Variants in ATG2A observed in about 807,000 individuals in gnomAD.
The protein encoded by ATG2A is autophagy-related protein 2 homolog A.
Under a neutral mutation model 214.2 loss-of-function variants are expected in ATG2A, and 103 were observed. That is an observed-to-expected ratio of 0.48 (90% confidence interval 0.41 to 0.57). The LOEUF (loss-of-function observed/expected upper bound fraction) is 0.57. ATG2A is among the 20% of genes least tolerant of loss of function. The pLI is 0.00. For synonymous variants in ATG2A, 1,160 were observed against 1,142.1 expected, an observed-to-expected ratio of 1.02 and a Z score of -0.32; for missense variants, 2,312 against 2,613.2, an observed-to-expected ratio of 0.88 and a Z score of 2.51.
chr11:64,898,866 C>G lies in ATG2A; in HGVS notation c.4465-24G>C. ...ACCTGTGGGGTGGACAGAGGCCTGG[C>G]CAGGTAAGCAGGGCCCCAAGAGGGA... On this transcript the variant is annotated intron_variant, in intron 31 of 40. Coordinates refer to ENST00000377264, the MANE Select transcript of ATG2A (RefSeq NM_015104.3). The surrounding 1 kb of genome is among the most constrained non-coding windows in gnomAD (Gnocchi z 4.5). 6.3e-7 allele frequency: 1 copy of G among 1,597,968 alleles called. No homozygotes were observed. Among genetic ancestry groups the G allele is most frequent in the Non-Finnish European group, 8.5e-7 (1 of 1,175,726 alleles).
chr11:64,906,351 G>T lies in ATG2A; in HGVS notation c.3166C>A (p.Pro1056Thr). Residue 1056 changes from proline to threonine, a missense_variant, in exon 21 of 41, where the codon CCC becomes ACC. Pro to Thr is a conservative substitution (Grantham distance 38). Coordinates refer to ENST00000377264, the MANE Select transcript of ATG2A (RefSeq NM_015104.3). The stretch of plus-strand genomic sequence containing the variant: ...GCCCATACCTTCACATTCTTGTGGG[G>T]GTCCAGGTGGATGCGCACAGCAGTG... ...LSTAVRIHLDPHKNVKEFLVT... is the reference protein window; with the variant it reads ...LSTAVRIHLDTHKNVKEFLVT... 3 of 1,613,190 alleles carry T rather than the reference G, an allele frequency of 1.9e-6. No homozygotes were observed. The highest frequency in any genetic ancestry group is 2.5e-6 in the Non-Finnish European group (3 of 1,179,926).
Position 64,897,428 on chromosome 11 carries a change from G to A in ATG2A, c.5134C>T (p.Leu1712Phe). The change falls in exon 37 of 41, where the codon CTC becomes TTC. Residue 1712 changes from leucine to phenylalanine, a missense_variant. Physicochemically the swap from Leu to Phe is conservative, Grantham distance 22. Coordinates refer to ENST00000377264, the MANE Select transcript of ATG2A (RefSeq NM_015104.3). ...GGGACTCACCCGTGCCTGCAACAGAGCCGCTTTAGCTTCAGCTCGGAGCAG... is the reference window on the plus strand; with the variant it reads ...GGGACTCACCCGTGCCTGCAACAGAACCGCTTTAGCTTCAGCTCGGAGCAG... ...LNCSELKLKRLCCRHGLLGVD... is the reference protein window; with the variant it reads ...LNCSELKLKRFCCRHGLLGVD... 1 of 1,567,262 alleles carries A rather than the reference G, an allele frequency of 6.4e-7. No homozygotes were observed. Among genetic ancestry groups the A allele is most frequent in the Non-Finnish European group, 8.7e-7 (1 of 1,155,780 alleles).
chr11:64,907,510 T>C lies in ATG2A; in HGVS notation c.2647+15A>G. 1 of 1,612,524 alleles carries C rather than the reference T, an allele frequency of 6.2e-7. No individual in the cohort carries two copies. Reference sequence around the variant, plus strand: ...GGGGGTCCTCCCTCTAGCCCAGCGTTAGCACCTCTCATACCCAGCTTGAAG... The same window carrying C: ...GGGGGTCCTCCCTCTAGCCCAGCGTCAGCACCTCTCATACCCAGCTTGAAG... On this transcript the variant is annotated intron_variant, in intron 18 of 40. Transcript: ENST00000377264.
Position 64,913,711 on chromosome 11 carries a change from T to A in ATG2A, c.590+110A>T. On this transcript the variant is annotated intron_variant, in intron 4 of 40. Coordinates refer to ENST00000377264, the MANE Select transcript of ATG2A (RefSeq NM_015104.3). This position sits in a 1 kb window ranked among gnomAD's most constrained non-coding sequence, Gnocchi z 4.3. ...CCAACCCTACCACCACCGAGGCCCA[T>A]CCAGATCCACCCTGCCTCTTCCCAG... 8.7e-7 allele frequency: 1 copy of A among 1,154,708 alleles called. No individual in the cohort carries two copies. Among genetic ancestry groups the A allele is most frequent in the Middle Eastern group, 2.3e-4 (1 of 4,312 alleles). 71.5% of individuals were successfully genotyped at this position (1,154,708 alleles called of 1,614,324 possible).
In ATG2A at chr11:64,907,241, G is replaced by C. The variant is rs778318184; in HGVS notation, c.2832+14C>G. On this transcript the variant is annotated intron_variant, in intron 19 of 40. Transcript: ENST00000377264. The stretch of plus-strand genomic sequence containing the variant: ...TCTGAAGTTTGGGGCCCGCCTGCCC[G>C]GGGCTGCACTCACCTTGGTCTCACA... 2.0e-6 allele frequency: 3 copies of C among 1,479,040 alleles called. No individual in the cohort carries two copies. In the South Asian group the frequency reaches 4.1e-5, roughly 20 times the overall value. The allele number at this position is 1,479,040 out of a possible 1,614,324, so 91.6% of individuals were successfully genotyped here.
Position 64,913,397 on chromosome 11 carries a change from C to A in ATG2A, c.595G>T (p.Glu199Ter). The A allele has an allele frequency of 1.3e-6, 2 of 1,589,908 alleles. No individual in the cohort carries two copies. Among genetic ancestry groups the A allele is most frequent in the Admixed American group, 3.5e-5 (2 of 57,744 alleles). Residue 199 changes from glutamate (E) to a stop codon, truncating the protein, a stop_gained, in exon 5 of 41, where the codon GAG (glutamate) becomes TAG (stop). Coordinates refer to ENST00000377264, the MANE Select transcript of ATG2A (RefSeq NM_015104.3). LOFTEE classifies it high-confidence loss of function. This position sits in a 1 kb window ranked among gnomAD's most constrained non-coding sequence, Gnocchi z 4.3. The part of the protein sequence containing the change: ...VAVEVRVQRL[E>*]YCDEAVRDPS... ...TCCCGCACTGCCTCATCACAGTACT[C>A]CAGTCTGGAGAGTGTAGGGTCAGCC...
At chr11:64,912,020 C>A (rs1459687494) in intron 8 of ATG2A, 38 bp from the exon 9 acceptor site, 2 of 1,613,566 alleles carry the variant, frequency 1.2e-6, no homozygotes, top group Non-Finnish European at 8.5e-7. Context: ...ACAGCCGACC[C>A]CAGCCCCTAG....
At position 64,902,185 on chromosome 11, in the gene ATG2A, G is replaced by A. The variant is rs1944374314; in HGVS notation, c.3905-9C>T. 1 of 1,612,924 alleles carries A rather than the reference G, an allele frequency of 6.2e-7. No individual in the cohort carries two copies. The highest frequency in any genetic ancestry group is 8.5e-7 in the Non-Finnish European group (1 of 1,179,984). On this transcript the variant is annotated splice_polypyrimidine_tract_variant and intron_variant, in intron 28 of 40. Transcript: ENST00000377264. The stretch of plus-strand genomic sequence containing the variant: ...CTGAGGGAGGTGGCCACCTATAGGA[G>A]AGAGGCCAGTTTGGAGAGGCGCCCA...
chr11:64,902,699 G>T lies in ATG2A; in HGVS notation c.3613-19C>A. 6.2e-7 allele frequency: 1 copy of T among 1,602,102 alleles called. No homozygotes were observed. Among genetic ancestry groups the T allele is most frequent in the South Asian group, 1.1e-5 (1 of 90,298 alleles). On this transcript the variant is annotated intron_variant, in intron 26 of 40. Coordinates refer to ENST00000377264, the MANE Select transcript of ATG2A (RefSeq NM_015104.3). ...GCTGGCTCTGCAGGGGCGGGGTGGG[G>T]GGAGCAGCTATGTGAACACAGGGGC...
intron 9 of ATG2A, 138 bp downstream of exon 9, chr11:64,911,704 T>C (rs988660398): frequency 7.9e-7 from 1 of 1,258,408 alleles, no homozygotes; most frequent in African/African-American, 1.5e-5. Flanking sequence ...CCTTGTTTGG[T>C]CCCCAGGGAA....
rs536138656 is a variant in ATG2A, at chr11:64,903,266, C to A, written c.3612+22G>T. 6.2e-7 allele frequency: 1 copy of A among 1,611,704 alleles called. No individual in the cohort carries two copies. The highest frequency in any genetic ancestry group is 8.5e-7 in the Non-Finnish European group (1 of 1,178,346). On this transcript the variant is annotated intron_variant, in intron 26 of 40. Transcript: ENST00000377264. This position sits in a 1 kb window ranked among gnomAD's most constrained non-coding sequence, Gnocchi z 4.2. Reference sequence around the variant, plus strand: ...CCTGCACCTGCTGTGGCTCCAGGAGCCAGAGTGACAGCCTCACTCACCAGT... The same window carrying A: ...CCTGCACCTGCTGTGGCTCCAGGAGACAGAGTGACAGCCTCACTCACCAGT...
intron 29 of ATG2A, among the ~76,000 whole-genome samples, chr11:64,901,616 A>G (rs1944353571): frequency 6.6e-6 from 1 of 152,098 alleles, no homozygotes; most frequent in African/African-American, 2.4e-5. Context: ...GACCTGGGTG[A>G]GTTCAGACAT....
In ATG2A at chr11:64,905,772, G is replaced by A. The variant is rs776605160; in HGVS notation, c.3341C>T (p.Thr1114Ile). ...LPPTVITILH[T>I]HLFSCSVDYR... The stretch of plus-strand genomic sequence containing the variant: ...GTCCACAGAGCAGGAGAACAGGTGT[G>A]TGTGCAGGATGGTGATGACCGTCGG... Residue 1114 changes from threonine to isoleucine, a missense_variant, in exon 23 of 41, where the codon ACA becomes ATA. Thr to Ile is a moderately conservative substitution (Grantham distance 89). Coordinates refer to ENST00000377264, the MANE Select transcript of ATG2A (RefSeq NM_015104.3). 1 of 1,613,956 alleles carries A rather than the reference G, an allele frequency of 6.2e-7. No homozygotes were observed. The highest frequency in any genetic ancestry group is 1.1e-5 in the South Asian group (1 of 91,080).
chr11:64,912,875 GA>G, intron 6 of ATG2A, 162 bp downstream of exon 6: 1 of 626,896 alleles, frequency 1.6e-6, no homozygotes, highest in Non-Finnish European at 2.7e-6. Flanking sequence ...TTACAGGTGT[GA>G]ACCCTGTGCC....
rs146530015 is a variant in ATG2A at position 64,895,427 on chromosome 11, C to T, written c.5443G>A (p.Val1815Met). ...GCTGCCGGGGACAGGATGTCATACACGGTCTCAGCTGTGGCCTGGGGGACA... is the reference window on the plus strand; with the variant it reads ...GCTGCCGGGGACAGGATGTCATACATGGTCTCAGCTGTGGCCTGGGGGACA... ...VQAIQATAET[V>M]YDILSPAAPV... The change falls in exon 40 of 41, where the codon GTG becomes ATG. Residue 1815 changes from valine (V) to methionine (M), a missense_variant. By Grantham distance (21) the Val-to-Met change is conservative. Coordinates refer to ENST00000377264, the MANE Select transcript of ATG2A (RefSeq NM_015104.3). The surrounding 1 kb of genome is among the most constrained non-coding windows in gnomAD (Gnocchi z 5.0). 12 of 1,593,420 alleles carry T rather than the reference C, an allele frequency of 7.5e-6. No homozygotes were observed. Among genetic ancestry groups the T allele is most frequent in the African/African-American group, 6.7e-5 (5 of 74,626 alleles).
rs567054679 is a variant in ATG2A, at chr11:64,913,508, A to G, written c.591-107T>C. ...CACGGGGTCAGGGAGCCTAGCCTGC[A>G]GAGCTGCCCCATCACACCTAGGCCG... On this transcript the variant is annotated intron_variant, in intron 4 of 40. Transcript: ENST00000377264. This position sits in a 1 kb window ranked among gnomAD's most constrained non-coding sequence, Gnocchi z 4.3. 122 of 1,381,554 alleles carry G rather than the reference A, an allele frequency of 8.8e-5. No homozygotes were observed. The South Asian group carries it at 1.8e-3, about 20-fold the overall frequency. 85.6% of individuals were successfully genotyped at this position (1,381,554 alleles called of 1,614,324 possible). A position where few individuals can be genotyped will look rare whatever the true frequency, so the allele number is the denominator to read the frequency against.
rs540673725 is a variant in ATG2A at position 64,915,697 on chromosome 11, G to A, written c.172-1197C>T. 3.9e-5 allele frequency among the ~76,000 whole-genome samples: 6 copies of A among 152,274 alleles called. No individual in the cohort carries two copies. In the South Asian group the frequency reaches 1.2e-3, roughly 32 times the overall value. On this transcript the variant is annotated intron_variant, in intron 1 of 40. Transcript: ENST00000377264. ...CTGAAAGTAAAAAGGGGAAGCCTAG[G>A]GCTGGGTATGGTGGTTCATGCCTAT...
rs1285498695 is a variant in ATG2A, at chr11:64,901,962, C to T, written c.4119G>A (p.Pro1373=). The T allele has an allele frequency of 4.3e-6, 7 of 1,612,374 alleles. No individual in the cohort carries two copies. Among genetic ancestry groups the T allele is most frequent in the Admixed American group, 1.7e-5 (1 of 60,014 alleles). ...CTGGTCCATCCCTCCCACCACGCAC[C>T]GGGATGCCCAGGCCGGGAGCATCAA... ...CILDAPGLGI[P]PRDGEPVVTQ... is the part of the protein sequence containing the mutation. Residue 1373 remains proline (P), a splice_region_variant and synonymous_variant, in exon 29 of 41, where the codon CCG becomes CCA. Coordinates refer to ENST00000377264, the MANE Select transcript of ATG2A (RefSeq NM_015104.3).
intron 7 of ATG2A, 39 bp from the exon 8 acceptor site, chr11:64,912,288 T>TTGCCCCCCCCCCCC: frequency 1.4e-6 from 2 of 1,471,386 alleles, no homozygotes; most frequent in Non-Finnish European, 1.9e-6. Flanking sequence ...TGGCTGGCCC[T>TTGCCCCCCCCCCCC]CCCAGCCACC....
Sources: gnomAD v4.1 joint callset for allele counts (sites outside exome capture counted in the v4.1 genomes callset) on GRCh38, gnomAD v4.1.1 for gene constraint, Gnocchi (gnomAD v3.1) non-coding constraint, MANE v1.5 for transcripts, NCBI Gene and HGNC (gene_info 2026-07-23, HGNC 2026-07-21) for gene names.